TDRD5: variants seen among roughly 807,000 people sequenced by gnomAD.
TDRD5 encodes the protein tudor domain-containing protein 5.
TDRD5 carries 41 observed loss-of-function variants against 120.6 expected under a neutral mutation model. The observed-to-expected ratio is 0.34, with a 90% CI of 0.26 to 0.44. The LOEUF (loss-of-function observed/expected upper bound fraction) is 0.44. Ranked by LOEUF, TDRD5 falls within the 20% of genes least tolerant of loss-of-function variation. The probability of loss-of-function intolerance (pLI) is 1.00; values close to 1 mark genes in which losing one functional copy is unlikely to be tolerated. For missense variants in TDRD5, 1,006 were observed against 1,221.2 expected, an observed-to-expected ratio of 0.82 and a Z score of 2.63; for synonymous variants, 430 against 433.7, an observed-to-expected ratio of 0.99 and a Z score of 0.11.
intron 4 of TDRD5, among the ~76,000 whole-genome samples, chr1:179,609,408 C>T (rs1676164915): frequency 6.6e-6 from 1 of 152,140 alleles, no homozygotes; most frequent in African/African-American, 2.4e-5. Context: ...GACTGTGACT[C>T]ATCACATAAA....
At position 179,621,065 on chromosome 1, in the gene TDRD5, A is replaced by G. The variant is rs758271837; in HGVS notation, c.946A>G (p.Ile316Val). The G allele has an allele frequency of 6.2e-7, 1 of 1,602,932 alleles. No homozygotes were observed. The highest frequency in any genetic ancestry group is 1.8e-5 in the Admixed American group (1 of 56,976). Residue 316 changes from isoleucine (I) to valine (V), a missense_variant, in exon 6 of 18, where the codon ATT (isoleucine) becomes GTT (valine). Physicochemically the swap from Ile to Val is conservative, Grantham distance 29 (BLOSUM62 3). Transcript: ENST00000444136. ...VVSKFPEGLF[I>V]SKLLGEYEVI... ...ATCTAAGTTCCCAGAGGGTTTGTTTATTTCTAAACTGCTTGGAGAGTATGA... is the reference window on the plus strand; with the variant it reads ...ATCTAAGTTCCCAGAGGGTTTGTTTGTTTCTAAACTGCTTGGAGAGTATGA...
intron 11 of TDRD5, among the ~76,000 whole-genome samples, chr1:179,648,452 T>C (rs866673698): frequency 5.4e-5 from 2 of 37,302 alleles, no homozygotes; most frequent in Admixed American, 4.0e-4. Context: ...TGTTGTGGGG[T>C]GGGGGGGGGG....
intron 17 of TDRD5, among the ~76,000 whole-genome samples, chr1:179,689,570 T>C (rs1164991739): frequency 6.6e-6 from 1 of 152,176 alleles, no homozygotes; most frequent in Non-Finnish European, 1.5e-5. Context: ...ACCACTACTC[T>C]CTTCAAAGCT....
chr1:179,634,820 T>A (rs1344484576), intron 8 of TDRD5, among the ~76,000 whole-genome samples, 191 bp downstream of exon 8: 1 of 152,242 alleles, frequency 6.6e-6, no homozygotes, highest in East Asian at 1.9e-4. Context: ...TTTATATAAC[T>A]AGCTTTTCCT....
chr1:179,634,555 C>T lies in TDRD5; in HGVS notation c.1225C>T (p.Pro409Ser). ...TGTCAAAGAGACTGTATGGAATTGC[C>T]CTTCAAAAAAACAAAAAGAGCCACA... is the stretch of plus-strand genomic sequence containing the variant. ...AAVKETVWNC[P>S]SKKQKEPQQK... The change falls in exon 8 of 18, where the codon CCT becomes TCT. Residue 409 changes from proline to serine, a missense_variant. This residue lies in a region of TDRD5 where 445 missense variants were observed against 515.5 expected (regional missense o/e 0.86). Coordinates refer to ENST00000444136, the MANE Select transcript of TDRD5 (RefSeq NM_001199085.3). The T allele has an allele frequency of 1.2e-6, 2 of 1,613,460 alleles. No individual in the cohort carries two copies. Among genetic ancestry groups the T allele is most frequent in the Non-Finnish European group, 1.7e-6 (2 of 1,179,868 alleles).
At chr1:179,671,279 C>T (rs1679841796) in intron 17 of TDRD5, among the ~76,000 whole-genome samples, 1 of 152,122 alleles carries the variant, frequency 6.6e-6, no homozygotes, top group Non-Finnish European at 1.5e-5. Flanking sequence ...TGTTAGTCCT[C>T]CAACTTTCTT....
At chr1:179,669,114 C>T in intron 16 of TDRD5, 80 bp from the exon 17 acceptor site, 2 of 1,251,038 alleles carry the variant, frequency 1.6e-6, no homozygotes, top group Non-Finnish European at 2.2e-6. Flanking sequence ...TTGTATTTTG[C>T]TTATAAGTAA....
chr1:179,613,577 A>G (rs2101952027), intron 4 of TDRD5, among the ~76,000 whole-genome samples: 1 of 152,356 alleles, frequency 6.6e-6, no homozygotes, highest in East Asian at 1.9e-4. Flanking sequence ...GTCAAAGATC[A>G]TGGCTCTGGC....
chr1:179,630,641 C>A (rs1427133942), intron 6 of TDRD5, 126 bp from the exon 7 acceptor site: 11 of 940,898 alleles, frequency 1.2e-5, no homozygotes, highest in Non-Finnish European at 1.4e-5. Flanking sequence ...GGAAGTGAGC[C>A]TTTACTCTGT....
intron 2 of TDRD5, among the ~76,000 whole-genome samples, chr1:179,593,069 T>C (rs1675203156): frequency 6.6e-6 from 1 of 152,180 alleles, no homozygotes; most frequent in South Asian, 2.1e-4. Flanking sequence ...AAAAGCTACA[T>C]TTTTACATAT....
intron 12 of TDRD5, 141 bp from the exon 13 acceptor site, chr1:179,651,898 G>A (rs747531280): frequency 3.1e-4 from 293 of 931,154 alleles, no homozygotes; most frequent in Admixed American, 1.7e-4. Context: ...GGGCAACAGA[G>A]CGAGACTCCA....
At chr1:179,647,643 A>G (rs917267152) in intron 11 of TDRD5, among the ~76,000 whole-genome samples, 11 of 152,076 alleles carry the variant, frequency 7.2e-5, no homozygotes, top group Non-Finnish European at 1.6e-4. Flanking sequence ...AGAAACTACC[A>G]TCAGAGTGAA....
At chr1:179,625,862 C>T (rs1677093543) in intron 6 of TDRD5, among the ~76,000 whole-genome samples, 1 of 152,102 alleles carries the variant, frequency 6.6e-6, no homozygotes. Context: ...GGCACATATA[C>T]ACCATGGAAT....
chr1:179,683,958 G>A (rs1255596019), intron 17 of TDRD5, among the ~76,000 whole-genome samples: 1 of 151,802 alleles, frequency 6.6e-6, no homozygotes, highest in Non-Finnish European at 1.5e-5. Context: ...CCCCTTCCTT[G>A]GCTATTAGGA....
At position 179,595,723 on chromosome 1, in the gene TDRD5, A is replaced by T. The variant is rs774679489; in HGVS notation, c.736A>T (p.Met246Leu). 2.5e-6 allele frequency: 4 copies of T among 1,613,916 alleles called. 1 individual carries two copies. The highest frequency in any genetic ancestry group is 2.2e-5 in the South Asian group (2 of 91,018). The change falls in exon 4 of 18, where the codon ATG becomes TTG. Residue 246 changes from methionine (M) to leucine (L), a missense_variant. Met to Leu is a conservative substitution (Grantham distance 15, BLOSUM62 2). This residue lies in a region of TDRD5 where 445 missense variants were observed against 515.5 expected (regional missense o/e 0.86). Coordinates refer to ENST00000444136, the MANE Select transcript of TDRD5 (RefSeq NM_001199085.3). The part of the protein sequence containing the change: ...KPCFSQPTSN[M>L]EPPKQIMSME... The stretch of plus-strand genomic sequence containing the variant: ...ATGCTTTTCACAACCCACTTCAAAC[A>T]TGGAACCACCGAAGCAAATAATGAG...
intron 5 of TDRD5, among the ~76,000 whole-genome samples, chr1:179,618,896 G>C (rs1465663142): frequency 6.6e-6 from 1 of 152,012 alleles, no homozygotes; most frequent in Non-Finnish European, 1.5e-5. Context: ...TCTTCCATAA[G>C]TTCTCTCTTC....
chr1:179,608,857 A>G (rs1397578697), intron 4 of TDRD5, among the ~76,000 whole-genome samples: 6 of 151,952 alleles, frequency 3.9e-5, no homozygotes, highest in African/African-American at 1.4e-4. Context: ...TTTACATATA[A>G]ATTACTTTGA....
At chr1:179,611,804 G>T (rs1283646437) in intron 4 of TDRD5, among the ~76,000 whole-genome samples, 1 of 152,056 alleles carries the variant, frequency 6.6e-6, no homozygotes, top group Admixed American at 6.6e-5. Context: ...CCTGAGTTTT[G>T]CAGCTCTAAT....
intron 17 of TDRD5, among the ~76,000 whole-genome samples, chr1:179,673,266 T>C (rs1322536718): frequency 1.3e-5 from 2 of 152,254 alleles, no homozygotes; most frequent in Non-Finnish European, 2.9e-5. Context: ...TCATCTATGA[T>C]TTCTTTCAGC....
Sources: allele counts gnomAD v4.1 joint callset (sites outside exome capture counted in the v4.1 genomes callset), GRCh38; gene constraint gnomAD v4.1.1; regional missense constraint gnomAD v4.1.1; transcripts MANE v1.5; gene names NCBI Gene and HGNC (gene_info 2026-07-23, HGNC 2026-07-21).